The following PIK3C2A variants were observed in gnomAD, a reference collection of about 807,000 sequenced individuals.
PIK3C2A encodes phosphatidylinositol 4-phosphate 3-kinase C2 domain-containing subunit alpha.
A neutral mutation model predicts 204.5 loss-of-function variants in PIK3C2A; 97 were observed. That is an observed-to-expected ratio of 0.47 (90% CI 0.40 to 0.56). The LOEUF is 0.56. PIK3C2A is among the 20% of genes least tolerant of loss of function. The pLI, the probability that PIK3C2A is intolerant of heterozygous loss-of-function variation, is 0.00. For synonymous variants in PIK3C2A, 653 were observed against 664.4 expected (o/e 0.98, Z 0.26); for missense variants, 1,735 against 1,969.2 (o/e 0.88, Z 2.25).
chr11:17,166,034 T>C, intron 2 of PIK3C2A, among the ~76,000 whole-genome samples: 1 of 152,186 alleles, frequency 6.6e-6, no homozygotes. Context: ...AATACCTCAC[T>C]TGATTTTACT....
At chr11:17,103,575 G>C (rs1444519022) in intron 23 of PIK3C2A, among the ~76,000 whole-genome samples, 3 of 152,032 alleles carry the variant, frequency 2.0e-5, no homozygotes, top group Non-Finnish European at 4.4e-5. Flanking sequence ...TGTTTATATA[G>C]CATTTAGCAC....
In PIK3C2A at chr11:17,168,875, A is replaced by G. The variant is rs1318688119; in HGVS notation, c.867T>C (p.His289=). The G allele has an allele frequency of 6.2e-7, 1 of 1,614,000 alleles. No homozygotes were observed. The highest frequency in any genetic ancestry group is 1.7e-5 in the Admixed American group (1 of 59,988). The change falls in exon 2 of 33, where the codon CAT becomes CAC. Residue 289 remains histidine, a synonymous_variant. Transcript: ENST00000691414. Reference sequence around the variant, plus strand: ...AACTTGAAACATTTTTCTCTTCCTCATGGTCTAATACCTCCACATTATCCA... The same window carrying G: ...AACTTGAAACATTTTTCTCTTCCTCGTGGTCTAATACCTCCACATTATCCA... ...PKVDNVEVLD[H]EEEKNVSSLL... is the part of the protein sequence containing the mutation.
At chr11:17,207,387 A>G (rs1454247650) in intron 1 of PIK3C2A, among the ~76,000 whole-genome samples, 2 of 152,108 alleles carry the variant, frequency 1.3e-5, no homozygotes, top group Non-Finnish European at 2.9e-5. Context: ...ATGGGACAGG[A>G]GGTGAAAGAA....
intron 22 of PIK3C2A, among the ~76,000 whole-genome samples, chr11:17,105,719 C>CATG (rs563808851): frequency 3.1e-4 from 47 of 152,310 alleles, no homozygotes; most frequent in Admixed American, 2.6e-4. Flanking sequence ...CTGCAAAGGA[C>CATG]ATGAACTCAT....
Position 17,145,717 on chromosome 11 carries a change from T to C in PIK3C2A, c.1655A>G (p.Glu552Gly). 5 of 1,607,952 alleles carry C rather than the reference T, an allele frequency of 3.1e-6. No individual in the cohort carries two copies. The highest frequency in any genetic ancestry group is 4.3e-6 in the Non-Finnish European group (5 of 1,174,720). The part of the protein sequence containing the change: ...KEAMTRHPVE[E>G]LLDSYHNQVE... ...TTGGTTGTGATAAGAATCTAAGAGT[T>C]CTTCAACAGGGTGTCTGAAAGAAAC... The change falls in exon 8 of 33, where the codon GAA (glutamate) becomes GGA (glycine). Residue 552 changes from glutamate (E) to glycine (G), a missense_variant. Glu to Gly is a moderately conservative substitution (Grantham distance 98). Around this residue, in one of 6 missense-constraint regions of PIK3C2A, gnomAD observed 106 missense variants for 108.2 expected, o/e 0.98. Coordinates refer to ENST00000691414, the MANE Select transcript of PIK3C2A (RefSeq NM_002645.4).
intron 5 of PIK3C2A, chr11:17,148,280 C>G (rs532605277): frequency 6.5e-6 from 1 of 154,636 alleles, no homozygotes; most frequent in African/African-American, 2.4e-5. Context: ...TTTCAGGCAA[C>G]TAAAAGGAAA....
intron 8 of PIK3C2A, among the ~76,000 whole-genome samples, chr11:17,137,382 A>G (rs1849906466): frequency 6.7e-6 from 1 of 150,154 alleles, no homozygotes; most frequent in South Asian, 2.1e-4. Context: ...TCCAGTTTTG[A>G]AGGTCATGCC....
chr11:17,174,800 G>A (rs949831244), intron 1 of PIK3C2A, among the ~76,000 whole-genome samples: 5 of 151,998 alleles, frequency 3.3e-5, no homozygotes, highest in Non-Finnish European at 7.4e-5. Flanking sequence ...TACTCAGAAG[G>A]CTGAGGCAGA....
At chr11:17,181,871 C>A (rs1419936224) in intron 1 of PIK3C2A, among the ~76,000 whole-genome samples, 1 of 151,738 alleles carries the variant, frequency 6.6e-6, no homozygotes, top group Non-Finnish European at 1.5e-5. Flanking sequence ...GCGGGTGGAT[C>A]ACTTGAGGTC....
chr11:17,105,607 T>C (rs1006622282), intron 22 of PIK3C2A, among the ~76,000 whole-genome samples: 1 of 152,200 alleles, frequency 6.6e-6, no homozygotes, highest in African/African-American at 2.4e-5. Flanking sequence ...CCACGTGTTC[T>C]CACTGTTCAA....
intron 22 of PIK3C2A, among the ~76,000 whole-genome samples, chr11:17,109,219 C>T (rs920325996): frequency 2.0e-5 from 3 of 152,194 alleles, no homozygotes; most frequent in Admixed American, 1.3e-4. Context: ...GATGATCTTT[C>T]GTTTAAAACC....
Position 17,091,987 on chromosome 11 carries a change from T to C in PIK3C2A, c.4642+9A>G. 6.3e-7 allele frequency: 1 copy of C among 1,576,240 alleles called. No homozygotes were observed. Among genetic ancestry groups the C allele is most frequent in the African/African-American group, 1.3e-5 (1 of 74,266 alleles). On this transcript the variant is annotated intron_variant, in intron 30 of 32. Transcript: ENST00000691414. ...GAGTTACCAATAAAGAGAAAAAAAA[T>C]AATCTCACCTGCAGACCTAGCTATC...
At chr11:17,168,397 C>G (rs1393768141) in intron 2 of PIK3C2A, among the ~76,000 whole-genome samples, 1 of 151,956 alleles carries the variant, frequency 6.6e-6, no homozygotes, top group Non-Finnish European at 1.5e-5. Context: ...CTTGCTAACA[C>G]AGTGAAACCC....
Position 17,136,643 on chromosome 11 carries a change from A to T in PIK3C2A, c.1705-18T>A. On this transcript the variant is annotated intron_variant, in intron 8 of 32. Coordinates refer to ENST00000691414, the MANE Select transcript of PIK3C2A (RefSeq NM_002645.4). The stretch of plus-strand genomic sequence containing the variant: ...TGTTGGTTCTTTAAAAATAAAAAAT[A>T]AAATAAAAATAGGTAGGTGAAATTT... 1 of 1,436,878 alleles carries T rather than the reference A, an allele frequency of 7.0e-7. No individual in the cohort carries two copies. Among genetic ancestry groups the T allele is most frequent in the East Asian group, 2.3e-5 (1 of 42,914 alleles). The allele number at this position is 1,436,878 out of a possible 1,614,324, so 89.0% of individuals were successfully genotyped here.
chr11:17,097,931 A>G (rs1258746011), intron 26 of PIK3C2A, among the ~76,000 whole-genome samples: 2 of 152,162 alleles, frequency 1.3e-5, no homozygotes, highest in Non-Finnish European at 2.9e-5. Flanking sequence ...CACAAAAACA[A>G]AAGAACAAAA....
chr11:17,169,557 C>G lies in PIK3C2A; in HGVS notation c.185G>C (p.Arg62Thr). 1 of 1,613,760 alleles carries G rather than the reference C, an allele frequency of 6.2e-7. No individual in the cohort carries two copies. Among genetic ancestry groups the G allele is most frequent in the South Asian group, 1.1e-5 (1 of 91,010 alleles). Residue 62 changes from arginine to threonine, a missense_variant, in exon 2 of 33, where the codon AGA becomes ACA. Coordinates refer to ENST00000691414, the MANE Select transcript of PIK3C2A (RefSeq NM_002645.4). The part of the protein sequence containing the change: ...QRGFELSSST[R>T]KKAQVYNKQD... ...CTTGTTATAAACCTGTGCTTTTTTT[C>G]TGGTGCTGCTTGACAACTCAAAGCC...
chr11:17,121,245 G>A (rs1426046565), intron 15 of PIK3C2A, among the ~76,000 whole-genome samples: 7 of 151,458 alleles, frequency 4.6e-5, no homozygotes, highest in African/African-American at 1.7e-4. Flanking sequence ...AGCCTCCTGA[G>A]TCGCTAGGAC....
At chr11:17,116,050 C>T (rs2137328629) in intron 19 of PIK3C2A, among the ~76,000 whole-genome samples, 1 of 152,162 alleles carries the variant, frequency 6.6e-6, no homozygotes, top group South Asian at 2.1e-4. Context: ...AACTGGACTT[C>T]ATCAAACTTA....
rs749117489 is a variant in PIK3C2A, at chr11:17,122,349, GAAATTGATC to G, written c.2512-25_2512-17del. The G allele has an allele frequency of 6.8e-7, 1 of 1,474,462 alleles. No homozygotes were observed. Among genetic ancestry groups the G allele is most frequent in the Non-Finnish European group, 9.4e-7 (1 of 1,067,002 alleles). 91.3% of individuals were successfully genotyped at this position (1,474,462 alleles called of 1,614,324 possible). ...GAAAATCAACCTTTAAAATTTAACA[GAAATTGATC>G]AAATTACAGTCTACGTATTTGCCAC... On this transcript the variant is annotated splice_polypyrimidine_tract_variant and intron_variant, in intron 14 of 32. Coordinates refer to ENST00000691414, the MANE Select transcript of PIK3C2A (RefSeq NM_002645.4).
Sources: gnomAD v4.1 joint callset for allele counts (sites outside exome capture counted in the v4.1 genomes callset) on GRCh38, gnomAD v4.1.1 for gene constraint, gnomAD v4.1.1 regional missense constraint, MANE v1.5 for transcripts, NCBI Gene and HGNC (gene_info 2026-07-23, HGNC 2026-07-21) for gene names.